SLC31A2: variants seen among roughly 807,000 people sequenced by gnomAD.
SLC31A2 encodes solute carrier family 31 member 2, also known as protein SLC31A2.
A neutral mutation model predicts 14.4 loss-of-function variants in SLC31A2; 16 were observed. That is an observed-to-expected ratio of 1.11 (90% CI 0.75 to 1.69). SLC31A2 has a LOEUF of 1.69. Among genes scored for constraint, SLC31A2 ranks in the 40% most tolerant of loss-of-function variants. SLC31A2 has a pLI of 0.00. For synonymous variants in SLC31A2, 56 were observed against 68.7 expected, an observed-to-expected ratio of 0.82 and a Z score of 0.91; for missense variants, 140 against 173.9, an observed-to-expected ratio of 0.81 and a Z score of 1.10.
chr9:113,156,229 T>G, intron 1 of SLC31A2: 1 of 476,754 alleles, frequency 2.1e-6, no homozygotes, highest in South Asian at 1.5e-5. Flanking sequence ...ACTCCATATC[T>G]TCCTCCCTTG....
chr9:113,161,632 C>A lies in SLC31A2; in HGVS notation c.197C>A (p.Thr66Asn), dbSNP rs752519594. 6.2e-7 allele frequency: 1 copy of A among 1,614,034 alleles called. No individual in the cohort carries two copies. Among genetic ancestry groups the A allele is most frequent in the South Asian group, 1.1e-5 (1 of 91,086 alleles). The change falls in exon 3 of 4, where the codon ACC (threonine) becomes AAC (asparagine). Residue 66 changes from threonine to asparagine, a missense_variant. Thr to Asn is a moderately conservative substitution (Grantham distance 65, BLOSUM62 0). Transcript: ENST00000259392. ...VNLPTSISQQ[T>N]IAETDGDSAG... Reference sequence around the variant, plus strand: ...CTGCCAACCTCCATCAGCCAGCAGACCATCGCAGAGACAGACGGGGACTCT... The same window carrying A: ...CTGCCAACCTCCATCAGCCAGCAGAACATCGCAGAGACAGACGGGGACTCT...
rs944963272 is a variant in SLC31A2 at position 113,156,832 on chromosome 9, C to T, written c.7-895C>T. On this transcript the variant is annotated intron_variant, in intron 1 of 3. Transcript: ENST00000259392. ...TTTCTTGGAGATTGGGAGGAAGCACCGTGTCCTGGAATGTCCAGGGCTTTG... is the reference window on the plus strand; with the variant it reads ...TTTCTTGGAGATTGGGAGGAAGCACTGTGTCCTGGAATGTCCAGGGCTTTG... Among the ~76,000 whole-genome samples the T allele has an allele frequency of 6.6e-5, 10 of 152,288 alleles. No homozygotes were observed. In the South Asian group the frequency reaches 8.3e-4, roughly 13 times the overall value.
chr9:113,160,564 C>T (rs773938516), intron 2 of SLC31A2, among the ~76,000 whole-genome samples: 12 of 152,154 alleles, frequency 7.9e-5, no homozygotes, highest in Admixed American at 2.6e-4. Context: ...ACTGTACTGT[C>T]GAATACAACA....
rs1263135065 is a variant in SLC31A2, at chr9:113,155,680, C to T, written c.7-2047C>T. On this transcript the variant is annotated intron_variant, in intron 1 of 3. Transcript: ENST00000259392. ...CTAATTCCAGTCTCTCTCAAACTCC[C>T]TTGACCATAGAATCCATTTTTCCCA... is the stretch of plus-strand genomic sequence containing the variant. 2.0e-5 allele frequency among the ~76,000 whole-genome samples: 3 copies of T among 152,126 alleles called. No individual in the cohort carries two copies. The East Asian group carries it at 5.8e-4, about 29-fold the overall frequency.
rs1327041121 is a variant in SLC31A2, at chr9:113,161,644, C to T, written c.209C>T (p.Thr70Ile). 1 of 1,613,908 alleles carries T rather than the reference C, an allele frequency of 6.2e-7. No individual in the cohort carries two copies. The highest frequency in any genetic ancestry group is 1.3e-5 in the African/African-American group (1 of 74,936). Reference sequence around the variant, plus strand: ...ATCAGCCAGCAGACCATCGCAGAGACAGACGGGGACTCTGCAGGCTCAGAT... The same window carrying T: ...ATCAGCCAGCAGACCATCGCAGAGATAGACGGGGACTCTGCAGGCTCAGAT... ...TSISQQTIAE[T>I]DGDSAGSDSF... is the part of the protein sequence containing the mutation. Residue 70 changes from threonine to isoleucine, a missense_variant, in exon 3 of 4, where the codon ACA becomes ATA. Thr to Ile is a moderately conservative substitution (Grantham distance 89). Transcript: ENST00000259392.
Position 113,163,006 on chromosome 9 carries a change from G to T in SLC31A2, c.*89G>T. ...ACTTCCAACTGCCCTTTCTTCTGAT[G>T]GCTATTCCTCCACCTTATTCCCAGC... On this transcript the variant is annotated 3_prime_UTR_variant, in exon 4 of 4. Transcript: ENST00000259392. The T allele has an allele frequency of 8.2e-7, 1 of 1,226,464 alleles. No individual in the cohort carries two copies. The highest frequency in any genetic ancestry group is 1.1e-6 in the Non-Finnish European group (1 of 908,486). The allele number at this position is 1,226,464 out of a possible 1,614,324, so 76.0% of individuals were successfully genotyped here. A position where few individuals can be genotyped will look rare whatever the true frequency, so the allele number is the denominator to read the frequency against.
chr9:113,154,993 C>T (rs1293856921), intron 1 of SLC31A2, among the ~76,000 whole-genome samples: 1 of 152,242 alleles, frequency 6.6e-6, no homozygotes, highest in Non-Finnish European at 1.5e-5. Flanking sequence ...TTCCTCTCCC[C>T]AATTTCTTCC....
chr9:113,161,040 CT>C (rs1334085271), intron 2 of SLC31A2: 2 of 152,716 alleles, frequency 1.3e-5, no homozygotes, highest in East Asian at 3.8e-4. Flanking sequence ...GGTTTTTCCC[CT>C]ATTATAAAAG....
chr9:113,161,211 TAAC>T, intron 2 of SLC31A2: 1 of 407,644 alleles, frequency 2.5e-6, no homozygotes, highest in Non-Finnish European at 4.4e-6. Context: ...ACTCATCACT[TAAC>T]AAGAAGTCAC....
chr9:113,154,072 A>G (rs1464374232), intron 1 of SLC31A2, among the ~76,000 whole-genome samples: 1 of 152,154 alleles, frequency 6.6e-6, no homozygotes, highest in Non-Finnish European at 1.5e-5. Context: ...CCCGGGCTCA[A>G]GTGATCCTCC....
At chr9:113,160,550 C>G (rs768424449) in intron 2 of SLC31A2, among the ~76,000 whole-genome samples, 9 of 152,158 alleles carry the variant, frequency 5.9e-5, no homozygotes, top group Non-Finnish European at 1.0e-4. Flanking sequence ...CTATAAATTT[C>G]CCTACTGTAC....
chr9:113,159,567 A>G (rs762790042), intron 2 of SLC31A2, among the ~76,000 whole-genome samples: 6 of 152,066 alleles, frequency 3.9e-5, no homozygotes, highest in African/African-American at 7.2e-5. Flanking sequence ...AAAAAACCCA[A>G]CTTTTTCCTT....
chr9:113,151,816 G>A lies in SLC31A2; in HGVS notation c.6+736G>A, dbSNP rs897788496. On this transcript the variant is annotated intron_variant, in intron 1 of 3. Coordinates refer to ENST00000259392, the MANE Select transcript of SLC31A2 (RefSeq NM_001860.3). This position sits in a 1 kb window ranked among gnomAD's most constrained non-coding sequence, Gnocchi z 4.2. ...GTCTCTACAAAAATTAGCCACAAGT[G>A]GTGGCAGGCGCCTGTAATCCCAGCT... 5 of 152,158 alleles carry A rather than the reference G, an allele frequency of 3.3e-5. No homozygotes were observed. Among genetic ancestry groups the A allele is most frequent in the Admixed American group, 2.6e-4 (4 of 15,272 alleles). The allele number at this position is 152,158 out of a possible 1,614,324, so 9.4% of individuals were successfully genotyped here.
At chr9:113,157,853 G>T (rs928763809) in intron 2 of SLC31A2, 60 bp downstream of exon 2, 3 of 1,301,270 alleles carry the variant, frequency 2.3e-6, no homozygotes, top group Non-Finnish European at 3.3e-6. Context: ...AGGCAAGGGA[G>T]AATCTGGGTT....
In SLC31A2 at chr9:113,163,708, A is replaced by G. The variant is rs1322783213; in HGVS notation, c.*791A>G. 1 of 152,396 alleles carries G rather than the reference A, an allele frequency of 6.6e-6. No homozygotes were observed. The highest frequency in any genetic ancestry group is 1.5e-5 in the Non-Finnish European group (1 of 68,048). The allele number at this position is 152,396 out of a possible 1,614,324, so 9.4% of individuals were successfully genotyped here. On this transcript the variant is annotated 3_prime_UTR_variant, in exon 4 of 4. Transcript: ENST00000259392. ...CCTTCCACCAGAAGGCACTGCCTGC[A>G]GGAAGAAGATGATCTGATGGCCGTG...
Position 113,162,895 on chromosome 9 carries a change from A to AC in SLC31A2, c.413dup (p.Leu139ThrfsTer51). ...TCTGCTGTGGGCTACTACCTAGCTTACCCACTTCTCAGCACAGCTTAGCTG... is the reference window on the plus strand; with the variant it reads ...TCTGCTGTGGGCTACTACCTAGCTTACCCCACTTCTCAGCACAGCTTAGCTG... On this transcript the variant is annotated frameshift_variant, in exon 4 of 4. Coordinates refer to ENST00000259392, the MANE Select transcript of SLC31A2 (RefSeq NM_001860.3). LOFTEE classifies it high-confidence loss of function. 3.1e-6 allele frequency: 5 copies of AC among 1,611,488 alleles called. No individual in the cohort carries two copies. Among genetic ancestry groups the AC allele is most frequent in the Non-Finnish European group, 4.2e-6 (5 of 1,179,116 alleles).
At chr9:113,161,373 G>T in intron 2 of SLC31A2, 136 bp from the exon 3 acceptor site, 1 of 797,966 alleles carries the variant, frequency 1.3e-6, no homozygotes, top group Non-Finnish European at 2.1e-6. Flanking sequence ...CAGTGAAGAA[G>T]TTCGGAACTC....
chr9:113,156,764 TG>T (rs1029288398), intron 1 of SLC31A2, among the ~76,000 whole-genome samples: 3 of 152,308 alleles, frequency 2.0e-5, no homozygotes, highest in Middle Eastern at 6.8e-3. Context: ...TTAAGCCTGG[TG>T]TGGGCGTCTG....
rs1175654641 is a variant in SLC31A2 at position 113,157,793 on chromosome 9, G to A, written c.73G>A (p.Gly25Ser). 1.2e-6 allele frequency: 2 copies of A among 1,610,948 alleles called. No individual in the cohort carries two copies. The highest frequency in any genetic ancestry group is 1.7e-6 in the Non-Finnish European group (2 of 1,178,068). Residue 25 changes from glycine to serine, a missense_variant and splice_region_variant, in exon 2 of 4, where the codon GGC (glycine) becomes AGC (serine). Coordinates refer to ENST00000259392, the MANE Select transcript of SLC31A2 (RefSeq NM_001860.3). ...TTTCTGGAGTGTCCACAGTCCTGCT[G>A]GTAAGAATTGGGGACCTCAGACTTG... ...FDFWSVHSPAGMALSVLVLLL... is the reference protein window; with the variant it reads ...FDFWSVHSPASMALSVLVLLL...
Sources: gnomAD v4.1 joint callset for allele counts (sites outside exome capture counted in the v4.1 genomes callset) on GRCh38, gnomAD v4.1.1 for gene constraint, Gnocchi (gnomAD v3.1) non-coding constraint, MANE v1.5 for transcripts, NCBI Gene and HGNC (gene_info 2026-07-23, HGNC 2026-07-21) for gene names.